Variants in TUSC3 observed in about 807,000 individuals in gnomAD.
TUSC3 encodes the protein dolichyl-diphosphooligosaccharide--protein glycosyltransferase subunit TUSC3.
TUSC3 carries 45 observed loss-of-function variants against 44.8 expected under a neutral mutation model. The ratio of observed to expected loss-of-function variants is 1.00; its 90% CI spans 0.79 to 1.29. The LOEUF is 1.29. TUSC3 is among the 50% of genes most tolerant of loss of function. The pLI is 0.00. For synonymous variants in TUSC3, 212 were observed against 152.9 expected, an observed-to-expected ratio of 1.39 and a Z score of -2.85; for missense variants, 519 against 437.9, an observed-to-expected ratio of 1.19 and a Z score of -1.65.
chr8:15,598,266 G>A lies in TUSC3; in HGVS notation c.139-24814G>A, dbSNP rs572865197. 2.0e-4 allele frequency among the ~76,000 whole-genome samples: 31 copies of A among 151,968 alleles called. No individual in the cohort carries two copies. In the South Asian group the frequency reaches 3.3e-3, roughly 16 times the overall value. ...TTCTGGCTTTTTTCTTGTTCTAGAC[G>A]TATTTTGCATGATACTTTACCATTA... On this transcript the variant is annotated intron_variant, in intron 1 of 10. Coordinates refer to ENST00000503731, the MANE Select transcript of TUSC3 (RefSeq NM_006765.4).
chr8:15,460,992 T>C (rs1198563580), intron 1 of TUSC3, among the ~76,000 whole-genome samples: 1 of 152,128 alleles, frequency 6.6e-6, no homozygotes, highest in Non-Finnish European at 1.5e-5. Context: ...TTTTGCTTAG[T>C]TTTGCTTTGG....
intron 1 of TUSC3, among the ~76,000 whole-genome samples, chr8:15,572,053 T>C (rs1218106929): frequency 1.3e-5 from 2 of 152,164 alleles, no homozygotes; most frequent in African/African-American, 4.8e-5. Flanking sequence ...GCTTCAACTT[T>C]AAGTCACCAG....
intron 6 of TUSC3, among the ~76,000 whole-genome samples, chr8:15,683,137 C>G (rs964985266): frequency 6.6e-6 from 1 of 152,070 alleles, no homozygotes; most frequent in Non-Finnish European, 1.5e-5. Flanking sequence ...TGGGGATGGT[C>G]AACTTGGGTA....
At chr8:15,678,816 T>A (rs1284758252) in intron 6 of TUSC3, among the ~76,000 whole-genome samples, 1 of 152,168 alleles carries the variant, frequency 6.6e-6, no homozygotes, top group East Asian at 1.9e-4. Flanking sequence ...CATCTGTTGT[T>A]CTAATGTATA....
At chr8:15,487,023 C>T (rs1047717875) in intron 2 of TUSC3, among the ~76,000 whole-genome samples, 1 of 152,132 alleles carries the variant, frequency 6.6e-6, no homozygotes, top group Non-Finnish European at 1.5e-5. Flanking sequence ...CACTGAAAAG[C>T]TTCAGTTTTT....
chr8:15,748,832 T>C, intron 9 of TUSC3: 2 of 444,140 alleles, frequency 4.5e-6, no homozygotes, highest in South Asian at 1.6e-5. Flanking sequence ...CTAATAAACT[T>C]TGTATTATCT....
In TUSC3 at chr8:15,650,758, A is replaced by T; in HGVS notation, c.370A>T (p.Asn124Tyr). 1 of 1,614,186 alleles carries T rather than the reference A, an allele frequency of 6.2e-7. No homozygotes were observed. The highest frequency in any genetic ancestry group is 8.5e-7 in the Non-Finnish European group (1 of 1,180,032). The stretch of plus-strand genomic sequence containing the variant: ...CTGGCGCTATTCATCTGCTTTTTGT[A>T]ACAAGCTCTTCTTCAGTATGGTGGA... ...NSWRYSSAFC[N>Y]KLFFSMVDYD... The change falls in exon 3 of 11, where the codon AAC becomes TAC. Residue 124 changes from asparagine (N) to tyrosine (Y), a missense_variant. By Grantham distance (143) the Asn-to-Tyr change is moderately radical (BLOSUM62 -2). Coordinates refer to ENST00000503731, the MANE Select transcript of TUSC3 (RefSeq NM_006765.4).
At chr8:15,460,251 C>A (rs974772248) in intron 1 of TUSC3, among the ~76,000 whole-genome samples, 1 of 152,006 alleles carries the variant, frequency 6.6e-6, no homozygotes, top group Non-Finnish European at 1.5e-5. Flanking sequence ...AAGTTGGTAT[C>A]GCATTGTCGT....
chr8:15,458,983 G>C (rs564799444), intron 1 of TUSC3, among the ~76,000 whole-genome samples: 107 of 152,254 alleles, frequency 7.0e-4, no homozygotes, highest in Non-Finnish European at 1.1e-3. Context: ...TCACCAAATA[G>C]ACCAGGTTCA....
In TUSC3 at chr8:15,452,350, T is replaced by C. The variant is rs142113896; in HGVS notation, n.92-31036T>C. Among the ~76,000 whole-genome samples, 247 of 152,284 alleles carry C rather than the reference T, an allele frequency of 1.6e-3. 2 individuals are homozygous for C. In the Middle Eastern group the frequency reaches 0.024, roughly 15 times the overall value. On this transcript the variant is annotated intron_variant and non_coding_transcript_variant, in intron 1 of 5. Transcript: ENST00000503191. Reference sequence around the variant, plus strand: ...GATCAAACACAAAATTTGGATGAATTTGTAAATTAAATAGCAAAAGATCAA... The same window carrying C: ...GATCAAACACAAAATTTGGATGAATCTGTAAATTAAATAGCAAAAGATCAA...
At chr8:15,730,793 C>T (rs2129208199) in intron 7 of TUSC3, 64 bp downstream of exon 7, 4 of 1,513,600 alleles carry the variant, frequency 2.6e-6, no homozygotes, top group Non-Finnish European at 1.8e-6. Flanking sequence ...TTTAAATTGA[C>T]ATTTTTCCTG....
At chr8:15,441,947 T>C (rs1209984167) in intron 1 of TUSC3, among the ~76,000 whole-genome samples, 1 of 152,188 alleles carries the variant, frequency 6.6e-6, no homozygotes, top group Non-Finnish European at 1.5e-5. Context: ...GAGAAACTCC[T>C]ATCCGGTCTC....
chr8:15,806,909 C>G, the TUSC3 span: 1 of 1,381,508 alleles, frequency 7.2e-7, no homozygotes, highest in South Asian at 1.2e-5. Context: ...CATCTGTTGA[C>G]CCACTTCTAT....
At chr8:15,608,471 G>A (rs1030485452) in intron 1 of TUSC3, among the ~76,000 whole-genome samples, 1 of 152,136 alleles carries the variant, frequency 6.6e-6, no homozygotes, top group African/African-American at 2.4e-5. Context: ...TCCACATGAA[G>A]TGTGATGTAA....
At chr8:15,813,132 C>T in the TUSC3 span, among the ~76,000 whole-genome samples, 16 of 151,882 alleles carry the variant, frequency 1.1e-4, no homozygotes, top group Non-Finnish European at 2.4e-4. Flanking sequence ...AAAAATGCTG[C>T]CATTGATCCA....
intron 1 of TUSC3, among the ~76,000 whole-genome samples, chr8:15,423,389 G>C (rs778100259): frequency 6.6e-6 from 1 of 152,064 alleles, no homozygotes; most frequent in East Asian, 1.9e-4. Flanking sequence ...CTTACTTTTC[G>C]GATACTGTCT....
At chr8:15,730,765 A>C (rs530423222) in intron 7 of TUSC3, 36 bp downstream of exon 7, 1 of 1,590,094 alleles carries the variant, frequency 6.3e-7, no homozygotes, top group East Asian at 2.2e-5. Flanking sequence ...TGAAAAGGGC[A>C]AACTAAAGCT....
intron 2 of TUSC3, among the ~76,000 whole-genome samples, chr8:15,520,726 C>T (rs1022754754): frequency 6.6e-6 from 1 of 152,196 alleles, no homozygotes; most frequent in African/African-American, 2.4e-5. Context: ...CCGTTCTCCA[C>T]CTTGTTATTG....
chr8:15,818,153 G>C, the TUSC3 span, among the ~76,000 whole-genome samples: 2 of 152,326 alleles, frequency 1.3e-5, no homozygotes, highest in African/African-American at 4.8e-5. Flanking sequence ...TATTCTGTCA[G>C]GGGATGATGT....
Sources: allele counts gnomAD v4.1 joint callset (sites outside exome capture counted in the v4.1 genomes callset), GRCh38; gene constraint gnomAD v4.1.1; transcripts MANE v1.5; gene names NCBI Gene and HGNC (gene_info 2026-07-23, HGNC 2026-07-21).